Variants in FSTL4 observed in about 807,000 individuals in gnomAD.
The protein encoded by FSTL4 is follistatin-related protein 4.
FSTL4 carries 28 observed loss-of-function variants against 78.2 expected under a neutral mutation model. That is an observed-to-expected ratio of 0.36 (90% CI 0.27 to 0.49). FSTL4 has a LOEUF of 0.49. FSTL4 is among the 20% of genes least tolerant of loss of function. The probability of loss-of-function intolerance (pLI) is 0.98; values close to 1 mark genes in which losing one functional copy is unlikely to be tolerated. For synonymous variants in FSTL4, 422 were observed against 440.5 expected (o/e 0.96, Z 0.53); for missense variants, 922 against 1,084.9 (o/e 0.85, Z 2.11).
the FSTL4 span, among the ~76,000 whole-genome samples, chr5:133,809,047 G>T: frequency 2.0e-5 from 3 of 151,966 alleles, no homozygotes; most frequent in East Asian, 1.9e-4. Context: ...AGAAAAGAGG[G>T]CCATTTCCTA....
the FSTL4 span, among the ~76,000 whole-genome samples, chr5:133,641,534 C>CACTT: frequency 0.071 from 10,875 of 152,172 alleles, 515 homozygotes; most frequent in Admixed American, 0.16. Flanking sequence ...CTGGGACCAA[C>CACTT]ACTTCTACTC....
the FSTL4 span, among the ~76,000 whole-genome samples, chr5:133,814,900 G>C: frequency 1.3e-5 from 2 of 152,226 alleles, no homozygotes; most frequent in Non-Finnish European, 2.9e-5. Context: ...CTCAAATTGT[G>C]CTCCAATTTG....
At chr5:133,261,877 A>G (rs1752533314) in intron 6 of FSTL4, among the ~76,000 whole-genome samples, 1 of 152,062 alleles carries the variant, frequency 6.6e-6, no homozygotes, top group Non-Finnish European at 1.5e-5. Context: ...CTGTAGTCCC[A>G]GCTACTCAGG....
At chr5:133,337,793 A>G (rs929489791) in intron 4 of FSTL4, among the ~76,000 whole-genome samples, 2 of 152,234 alleles carry the variant, frequency 1.3e-5, no homozygotes, top group African/African-American at 4.8e-5. Flanking sequence ...TGTCCCCTCC[A>G]TCAGAAAGCA....
chr5:133,779,367 A>G, the FSTL4 span, among the ~76,000 whole-genome samples: 1 of 152,174 alleles, frequency 6.6e-6, no homozygotes, highest in Non-Finnish European at 1.5e-5. Context: ...CGGGTGGATC[A>G]CAAGGTCAGG....
intron 6 of FSTL4, among the ~76,000 whole-genome samples, chr5:133,292,885 T>C (rs1325281535): frequency 1.3e-5 from 2 of 152,256 alleles, no homozygotes; most frequent in African/African-American, 4.8e-5. Context: ...TAGAAGCTCC[T>C]GATTTAAGGG....
chr5:133,784,485 T>C, the FSTL4 span, among the ~76,000 whole-genome samples: 1 of 152,168 alleles, frequency 6.6e-6, no homozygotes. Context: ...ATAAGCATAA[T>C]GTGAGGTGGA....
chr5:133,509,791 G>A (rs1758687519), intron 3 of FSTL4, among the ~76,000 whole-genome samples: 1 of 152,248 alleles, frequency 6.6e-6, no homozygotes, highest in Non-Finnish European at 1.5e-5. Flanking sequence ...TACAAAGACA[G>A]CCATGAAGCT....
At chr5:133,659,958 C>T in the FSTL4 span, among the ~76,000 whole-genome samples, 7 of 152,016 alleles carry the variant, frequency 4.6e-5, no homozygotes, top group African/African-American at 1.7e-4. Context: ...CAGCAAAGAA[C>T]AGAACAAAAA....
chr5:133,456,301 C>A (rs1757487929), intron 3 of FSTL4, among the ~76,000 whole-genome samples: 2 of 152,256 alleles, frequency 1.3e-5, no homozygotes, highest in South Asian at 4.1e-4. Flanking sequence ...AGCTGGCCGT[C>A]CTGAGACAAC....
At chr5:133,462,864 G>T (rs1001877432) in intron 3 of FSTL4, among the ~76,000 whole-genome samples, 2 of 152,158 alleles carry the variant, frequency 1.3e-5, no homozygotes, top group African/African-American at 4.8e-5. Context: ...CCAGTTTGGG[G>T]CTTTCTGTAA....
the FSTL4 span, among the ~76,000 whole-genome samples, chr5:133,740,754 T>C: frequency 1.3e-5 from 2 of 151,974 alleles, no homozygotes; most frequent in South Asian, 2.1e-4. Flanking sequence ...TAAAGGTGTG[T>C]TGGTGCTGGA....
intron 13 of FSTL4, among the ~76,000 whole-genome samples, chr5:133,214,172 G>A (rs1266787178): frequency 6.6e-6 from 1 of 152,174 alleles, no homozygotes; most frequent in Non-Finnish European, 1.5e-5. Context: ...AATGAACCAA[G>A]TAGACATAAT....
At chr5:133,377,814 G>A (rs1052759986) in intron 4 of FSTL4, among the ~76,000 whole-genome samples, 4 of 151,978 alleles carry the variant, frequency 2.6e-5, no homozygotes, top group African/African-American at 9.7e-5. Context: ...AATCTTCAAG[G>A]AAGATATACA....
At chr5:133,341,297 A>G (rs1315057709) in intron 4 of FSTL4, among the ~76,000 whole-genome samples, 1 of 151,556 alleles carries the variant, frequency 6.6e-6, no homozygotes, top group Non-Finnish European at 1.5e-5. Flanking sequence ...AACATAAAAA[A>G]TATGTGCAGG....
chr5:133,415,714 G>C (rs980377033), intron 3 of FSTL4, among the ~76,000 whole-genome samples: 12 of 152,200 alleles, frequency 7.9e-5, no homozygotes, highest in African/African-American at 2.7e-4. Flanking sequence ...TTAGGTGCAG[G>C]AAGGTGGCTG....
At position 133,440,064 on chromosome 5, in the gene FSTL4, C is replaced by T. The variant is rs866708083; in HGVS notation, c.161-39078G>A. Among the ~76,000 whole-genome samples the T allele has an allele frequency of 6.6e-6, 1 of 151,940 alleles. No individual in the cohort carries two copies. The highest frequency in any genetic ancestry group is 2.4e-5 in the African/African-American group (1 of 41,350). On this transcript the variant is annotated intron_variant, in intron 3 of 15. Transcript: ENST00000265342. The surrounding 1 kb of genome is among the most constrained non-coding windows in gnomAD (Gnocchi z 4.1). ...CTGGGGGTGGGGGACATGCTGGGGTCGGGAGGAAGGAAAGGAAGAGTCACC... is the reference window on the plus strand; with the variant it reads ...CTGGGGGTGGGGGACATGCTGGGGTTGGGAGGAAGGAAAGGAAGAGTCACC...
At chr5:133,387,412 T>C (rs1380702775) in intron 4 of FSTL4, among the ~76,000 whole-genome samples, 1 of 152,136 alleles carries the variant, frequency 6.6e-6, no homozygotes, top group Non-Finnish European at 1.5e-5. Context: ...ACATTCTCCG[T>C]GAATGAGAAT....
intron 3 of FSTL4, among the ~76,000 whole-genome samples, chr5:133,428,217 G>A (rs1756866963): frequency 2.0e-5 from 3 of 152,200 alleles, no homozygotes; most frequent in Admixed American, 6.5e-5. Context: ...TGTGGAACTG[G>A]CAGGACTCTT....
Sources: gnomAD v4.1 joint callset for allele counts (sites outside exome capture counted in the v4.1 genomes callset) on GRCh38, gnomAD v4.1.1 for gene constraint, Gnocchi (gnomAD v3.1) non-coding constraint, MANE v1.5 for transcripts, NCBI Gene and HGNC (gene_info 2026-07-23, HGNC 2026-07-21) for gene names.